Variants in TXNL4A observed in about 807,000 individuals in gnomAD.
TXNL4A encodes thioredoxin like 4A.
Under a neutral mutation model 14.6 loss-of-function variants are expected in TXNL4A, and 17 were observed. The observed-to-expected ratio is 1.16, with a 90% CI of 0.80 to 1.74. The LOEUF is 1.74. Ranked by LOEUF, TXNL4A falls within the 40% of genes most tolerant of loss-of-function variation. The probability of loss-of-function intolerance (pLI) is 0.00; values close to 1 mark genes in which losing one functional copy is unlikely to be tolerated. For missense variants in TXNL4A, 74 were observed against 195.2 expected, an observed-to-expected ratio of 0.38 and a Z score of 3.70; for synonymous variants, 83 against 70.6, an observed-to-expected ratio of 1.18 and a Z score of -0.88.
intron 1 of TXNL4A, among the ~76,000 whole-genome samples, chr18:79,985,381 T>C (rs2051531818): frequency 6.6e-6 from 1 of 151,560 alleles, no homozygotes; most frequent in African/African-American, 2.4e-5. Context: ...GCCTACCAAG[T>C]AGTTGGGACC....
intron 1 of TXNL4A, among the ~76,000 whole-genome samples, chr18:79,978,126 C>T (rs1045194056): frequency 6.6e-6 from 1 of 152,160 alleles, no homozygotes; most frequent in African/African-American, 2.4e-5. Context: ...TGGCTCCTTC[C>T]GCCTCACTTT....
chr18:80,015,634 A>G (rs1282451405), intron 1 of TXNL4A, among the ~76,000 whole-genome samples: 3 of 151,078 alleles, frequency 2.0e-5, no homozygotes, highest in African/African-American at 7.3e-5. Context: ...TCCTTGTGAT[A>G]GTTTACTGAG....
At chr18:80,010,197 C>G (rs138712717) in intron 1 of TXNL4A, among the ~76,000 whole-genome samples, 2 of 152,034 alleles carry the variant, frequency 1.3e-5, no homozygotes, top group African/African-American at 4.8e-5. Context: ...GTTTAATAAG[C>G]GAAAGAAGAA....
At chr18:79,980,112 G>C (rs1163836107) in intron 1 of TXNL4A, among the ~76,000 whole-genome samples, 3 of 152,190 alleles carry the variant, frequency 2.0e-5, no homozygotes, top group Non-Finnish European at 4.4e-5. Flanking sequence ...ACAGGGACAG[G>C]AGGCTCTGGG....
intron 1 of TXNL4A, chr18:79,986,458 A>G (rs1383105078): frequency 1.5e-6 from 1 of 672,172 alleles, no homozygotes; most frequent in African/African-American, 2.0e-5. Context: ...AAATACCCCA[A>G]AGTGAGCCCA....
intron 1 of TXNL4A, among the ~76,000 whole-genome samples, chr18:79,987,659 G>A (rs2051573301): frequency 6.6e-6 from 1 of 152,160 alleles, no homozygotes; most frequent in East Asian, 1.9e-4. Context: ...ACCACTCAGT[G>A]TACTAATATT....
At chr18:80,018,384 G>A (rs182031515) in intron 1 of TXNL4A, among the ~76,000 whole-genome samples, 7 of 152,226 alleles carry the variant, frequency 4.6e-5, no homozygotes, top group East Asian at 1.9e-4. Flanking sequence ...GAGAAAGCAC[G>A]AAAGATCCAA....
intron 1 of TXNL4A, among the ~76,000 whole-genome samples, chr18:80,012,665 A>G (rs1416046181): frequency 6.6e-6 from 1 of 152,192 alleles, no homozygotes; most frequent in Non-Finnish European, 1.5e-5. Context: ...CCACAGTACC[A>G]TTTGGAACTA....
chr18:79,988,062 A>T (rs1238683964), intron 1 of TXNL4A, among the ~76,000 whole-genome samples, 178 bp downstream of exon 1: 9 of 152,278 alleles, frequency 5.9e-5, no homozygotes, highest in African/African-American at 2.2e-4. Flanking sequence ...AAAAGGCGTG[A>T]AACGCCGGCA....
chr18:80,022,003 T>TTG (rs1555722114), intron 1 of TXNL4A, among the ~76,000 whole-genome samples: 4 of 151,636 alleles, frequency 2.6e-5, no homozygotes, highest in African/African-American at 9.7e-5. Context: ...CTTTTTTTTT[T>TTG]GCAATAGGGT....
At chr18:79,973,897 C>CTT (rs754943301) in intron 2 of TXNL4A, 41 bp from the exon 3 acceptor site, 22 of 1,595,316 alleles carry the variant, frequency 1.4e-5, no homozygotes, top group Non-Finnish European at 1.9e-5. Context: ...ATAGAAGTCT[C>CTT]TTTAAAAAAG....
chr18:80,016,437 C>T (rs1368496860), intron 1 of TXNL4A, among the ~76,000 whole-genome samples: 1 of 151,374 alleles, frequency 6.6e-6, no homozygotes, highest in Non-Finnish European at 1.5e-5. Context: ...AGTCCTTGCC[C>T]ATGCCTATGT....
intron 1 of TXNL4A, among the ~76,000 whole-genome samples, chr18:80,032,059 C>T (rs560954529): frequency 2.1e-4 from 32 of 152,362 alleles, no homozygotes; most frequent in Admixed American, 7.8e-4. Context: ...AGTAATGTAG[C>T]CTGACCTAGC....
At chr18:80,000,160 T>C (rs942889840) in intron 1 of TXNL4A, among the ~76,000 whole-genome samples, 2 of 152,190 alleles carry the variant, frequency 1.3e-5, no homozygotes, top group Non-Finnish European at 2.9e-5. Flanking sequence ...ACTTTGGAAC[T>C]GGGTAACAGG....
chr18:79,973,927 C>T (rs1017508305), intron 2 of TXNL4A, 71 bp from the exon 3 acceptor site: 18 of 1,568,948 alleles, frequency 1.1e-5, no homozygotes, highest in East Asian at 2.2e-5. Flanking sequence ...AAAACAATGC[C>T]GTATTTTTCC....
intron 1 of TXNL4A, among the ~76,000 whole-genome samples, chr18:80,007,439 G>A (rs1001764313): frequency 2.0e-5 from 3 of 152,188 alleles, no homozygotes; most frequent in African/African-American, 4.8e-5. Flanking sequence ...ACAGAGCAGG[G>A]AGTTTCACAA....
intron 2 of TXNL4A, among the ~76,000 whole-genome samples, 160 bp from the exon 3 acceptor site, chr18:79,974,016 G>A (rs2051341101): frequency 6.6e-6 from 1 of 152,160 alleles, no homozygotes; most frequent in Non-Finnish European, 1.5e-5. Flanking sequence ...GAGAATACAG[G>A]AAGCAGCTAA....
At chr18:80,008,100 C>CGT (rs372470863) in intron 1 of TXNL4A, among the ~76,000 whole-genome samples, 242 of 152,140 alleles carry the variant, frequency 1.6e-3, no homozygotes, top group African/African-American at 5.4e-3. Context: ...TGTAATGAGC[C>CGT]GTGACTGCAC....
chr18:80,007,111 G>C (rs1296951362), intron 1 of TXNL4A, among the ~76,000 whole-genome samples: 11 of 152,170 alleles, frequency 7.2e-5, no homozygotes, highest in Admixed American at 7.2e-4. Flanking sequence ...TTTACAAGCT[G>C]CTCTTTGTTA....
Sources: allele counts gnomAD v4.1 joint callset (sites outside exome capture counted in the v4.1 genomes callset), GRCh38; gene constraint gnomAD v4.1.1; transcripts MANE v1.5; gene names NCBI Gene and HGNC (gene_info 2026-07-23, HGNC 2026-07-21).